The following SLC22A23 variants were observed in gnomAD, a reference collection of about 807,000 sequenced individuals.
SLC22A23 encodes solute carrier family 22 member 23, also known as ion transporter protein.
In SLC22A23, 26 loss-of-function variants were observed where a neutral mutation model predicts 61.0. The ratio of observed to expected loss-of-function variants is 0.43; its 90% CI spans 0.31 to 0.59. The LOEUF is 0.59. Ranked by LOEUF, SLC22A23 falls within the 20% of genes least tolerant of loss-of-function variation. The pLI is 0.11. For synonymous variants in SLC22A23, 430 were observed against 413.9 expected, an observed-to-expected ratio of 1.04 and a Z score of -0.47; for missense variants, 796 against 934.7, an observed-to-expected ratio of 0.85 and a Z score of 1.94.
chr6:3,369,430 C>T (rs943632562), intron 3 of SLC22A23, among the ~76,000 whole-genome samples: 1 of 152,190 alleles, frequency 6.6e-6, no homozygotes, highest in Admixed American at 6.5e-5. Flanking sequence ...GTGGCTCACA[C>T]CTGTAATCCC....
At chr6:3,399,531 C>T (rs542997437) in intron 3 of SLC22A23, among the ~76,000 whole-genome samples, 1 of 152,284 alleles carries the variant, frequency 6.6e-6, no homozygotes, top group East Asian at 1.9e-4. Flanking sequence ...TATGGCAGAA[C>T]ATGGCAAACA....
chr6:3,351,484 G>A (rs1042480114), intron 3 of SLC22A23, among the ~76,000 whole-genome samples: 2 of 152,194 alleles, frequency 1.3e-5, no homozygotes, highest in African/African-American at 4.8e-5. Context: ...CCTGGGGGTT[G>A]CCCTGAGCGT....
chr6:3,409,046 T>G (rs1442307198), intron 3 of SLC22A23, among the ~76,000 whole-genome samples: 1 of 152,238 alleles, frequency 6.6e-6, no homozygotes, highest in African/African-American at 2.4e-5. Context: ...TCAAGCCCAA[T>G]ACTCGCATTA....
In SLC22A23 at chr6:3,273,117, C is replaced by T. The variant is rs1414546650; in HGVS notation, c.1999G>A (p.Ala667Thr). 2 of 1,603,600 alleles carry T rather than the reference C, an allele frequency of 1.2e-6. No homozygotes were observed. The highest frequency in any genetic ancestry group is 1.7e-6 in the Non-Finnish European group (2 of 1,176,830). The change falls in exon 10 of 10, where the codon GCC becomes ACC. Residue 667 changes from alanine (A) to threonine (T), a missense_variant. Transcript: ENST00000406686. Reference protein sequence around the residue: ...ELKDYSGLHDAAAAGDTLPEG... With the variant: ...ELKDYSGLHDTAAAGDTLPEG... The stretch of plus-strand genomic sequence containing the variant: ...GGCAGTGTGTCACCCGCGGCTGCGG[C>T]ATCGTGGAGGCCCGAGTAGTCCTTG...
intron 3 of SLC22A23, among the ~76,000 whole-genome samples, chr6:3,340,892 C>T (rs1280292662): frequency 6.6e-6 from 1 of 152,196 alleles, no homozygotes; most frequent in Non-Finnish European, 1.5e-5. Flanking sequence ...GGACTCATGT[C>T]TTCAAGCTTA....
intron 4 of SLC22A23, among the ~76,000 whole-genome samples, chr6:3,315,523 C>T (rs1762587347): frequency 6.6e-6 from 1 of 152,186 alleles, no homozygotes; most frequent in Non-Finnish European, 1.5e-5. Context: ...TCGAGGATGG[C>T]ATCTGTTTCA....
chr6:3,334,253 C>G (rs1763729054), intron 3 of SLC22A23, among the ~76,000 whole-genome samples: 1 of 152,186 alleles, frequency 6.6e-6, no homozygotes, highest in African/African-American at 2.4e-5. Flanking sequence ...CCTCCACTTA[C>G]TGGGTTCAAG....
intron 1 of SLC22A23, among the ~76,000 whole-genome samples, chr6:3,441,570 G>A (rs1439132456): frequency 6.6e-6 from 1 of 152,130 alleles, no homozygotes; most frequent in Non-Finnish European, 1.5e-5. Flanking sequence ...CTTGGGGATA[G>A]CTCAGATGCC....
chr6:3,325,394 T>C (rs772101882), intron 3 of SLC22A23, among the ~76,000 whole-genome samples: 2 of 152,142 alleles, frequency 1.3e-5, no homozygotes, highest in Non-Finnish European at 2.9e-5. Flanking sequence ...GCTCATCTGC[T>C]GGAAAAAAAT....
rs377053607 is a variant in SLC22A23 at position 3,410,638 on chromosome 6, T to TA, written c.759-297dup. Among the ~76,000 whole-genome samples, 270 of 152,292 alleles carry TA rather than the reference T, an allele frequency of 1.8e-3. 4 individuals carry two copies. Among genetic ancestry groups the TA allele is most frequent in the African/African-American group, 6.3e-3 (262 of 41,560 alleles). On this transcript the variant is annotated intron_variant, in intron 2 of 9. Coordinates refer to ENST00000406686, the MANE Select transcript of SLC22A23 (RefSeq NM_015482.2). The surrounding 1 kb of genome is among the most constrained non-coding windows in gnomAD (Gnocchi z 5.0). ...GAGTCTATTTCTGAGTGTATAGTGA[T>TA]ATAATTCAAGGCAAGGGGAACAAAA... is the stretch of plus-strand genomic sequence containing the variant.
intron 3 of SLC22A23, among the ~76,000 whole-genome samples, chr6:3,370,368 T>C (rs969873501): frequency 6.6e-6 from 1 of 152,276 alleles, no homozygotes; most frequent in African/African-American, 2.4e-5. Flanking sequence ...GGGGTGCATG[T>C]GCCTTCCAAC....
chr6:3,376,600 A>G (rs1375409214), intron 3 of SLC22A23, among the ~76,000 whole-genome samples: 1 of 152,160 alleles, frequency 6.6e-6, no homozygotes, highest in Admixed American at 6.5e-5. Context: ...CTAAATTTCC[A>G]AAGACTTTCA....
At chr6:3,448,543 T>C (rs535224811) in intron 1 of SLC22A23, among the ~76,000 whole-genome samples, 3 of 152,024 alleles carry the variant, frequency 2.0e-5, no homozygotes, top group Admixed American at 6.5e-5. Flanking sequence ...CCCAGACAGT[T>C]AGTGCAGTGT....
chr6:3,403,336 G>T (rs1768563239), intron 3 of SLC22A23, among the ~76,000 whole-genome samples: 1 of 151,562 alleles, frequency 6.6e-6, no homozygotes, highest in Non-Finnish European at 1.5e-5. Context: ...GTCCCATCCT[G>T]TCTGTCCAGG....
intron 1 of SLC22A23, among the ~76,000 whole-genome samples, chr6:3,437,651 T>G (rs1044622035): frequency 1.3e-5 from 2 of 151,016 alleles, no homozygotes; most frequent in Non-Finnish European, 2.9e-5. Context: ...ATCGTGCCAC[T>G]GCACTCCAGC....
intron 1 of SLC22A23, among the ~76,000 whole-genome samples, chr6:3,452,471 T>A (rs1427158418): frequency 6.6e-6 from 1 of 151,838 alleles, no homozygotes; most frequent in African/African-American, 2.4e-5. Context: ...TGGTGGTGCA[T>A]GCCTGTAGTC....
At chr6:3,385,125 A>C (rs1157813011) in intron 3 of SLC22A23, among the ~76,000 whole-genome samples, 1 of 152,186 alleles carries the variant, frequency 6.6e-6, no homozygotes, top group South Asian at 2.1e-4. Context: ...GTGCACTTTC[A>C]GTTTGGGAAG....
At chr6:3,433,827 C>T (rs1771026666) in intron 1 of SLC22A23, among the ~76,000 whole-genome samples, 2 of 152,184 alleles carry the variant, frequency 1.3e-5, no homozygotes, top group Admixed American at 1.3e-4. Context: ...CCAGAATAGG[C>T]AAAACCATGC....
At chr6:3,415,537 G>T (rs111936872) in intron 2 of SLC22A23, among the ~76,000 whole-genome samples, 1 of 152,220 alleles carries the variant, frequency 6.6e-6, no homozygotes, top group African/African-American at 2.4e-5. Flanking sequence ...AGAAGCTAGA[G>T]AATTGCGTTG....
Sources: allele counts gnomAD v4.1 joint callset (sites outside exome capture counted in the v4.1 genomes callset), GRCh38; gene constraint gnomAD v4.1.1; non-coding constraint Gnocchi (gnomAD v3.1); transcripts MANE v1.5; gene names NCBI Gene and HGNC (gene_info 2026-07-23, HGNC 2026-07-21).